RASGRP4: variants seen among roughly 807,000 people sequenced by gnomAD.
RASGRP4 encodes RAS guanyl releasing protein 4, also known as RAS guanyl-releasing protein 4.
RASGRP4 carries 52 observed loss-of-function variants against 84.4 expected under a neutral mutation model. That is an observed-to-expected ratio of 0.62 (90% CI 0.49 to 0.78). The LOEUF is 0.78. RASGRP4 is among the 30% of genes least tolerant of loss of function. The pLI is 0.00. For synonymous variants in RASGRP4, 356 were observed against 359.1 expected (o/e 0.99, Z 0.10); for missense variants, 760 against 886.9 (o/e 0.86, Z 1.82).
Position 38,419,959 on chromosome 19 carries a change from G to T in RASGRP4, c.564C>A (p.Gly188=). 4 of 1,613,974 alleles carry T rather than the reference G, an allele frequency of 2.5e-6. No individual in the cohort carries two copies. The highest frequency in any genetic ancestry group is 3.4e-6 in the Non-Finnish European group (4 of 1,179,870). The part of the protein sequence containing the change: ...PPLPMSSPGL[G]KKRKVSLLFD... ...AAAGCAAGGACACTTTGCGCTTTTT[G>T]CCCAGGCCTGGGCTGCTCATTGGGA... Residue 188 remains glycine, a synonymous_variant, in exon 6 of 17, where the codon GGC becomes GGA. Transcript: ENST00000615439.
rs1317614845 is a variant in RASGRP4, at chr19:38,412,721, T to C, written c.1631A>G (p.His544Arg). The C allele has an allele frequency of 6.2e-7, 1 of 1,612,844 alleles. No individual in the cohort carries two copies. Among genetic ancestry groups the C allele is most frequent in the Non-Finnish European group, 8.5e-7 (1 of 1,179,536 alleles). The change falls in exon 13 of 17, where the codon CAT becomes CGT. Residue 544 changes from histidine (H) to arginine (R), a missense_variant. By Grantham distance (29) the His-to-Arg change is conservative. Coordinates refer to ENST00000615439, the MANE Select transcript of RASGRP4 (RefSeq NM_170604.3). The surrounding 1 kb of genome is among the most constrained non-coding windows in gnomAD (Gnocchi z 4.6). ...GGTAGGCTTTCGGAAGGTGACCTCA[T>C]GGAAGGTGTGCAGGAAGGCCAGGCC... is the stretch of plus-strand genomic sequence containing the variant. ...KLGLAFLHTF[H>R]EVTFRKPTFC...
At position 38,420,964 on chromosome 19, in the gene RASGRP4, C is replaced by T. The variant is rs1971719764; in HGVS notation, c.321G>A (p.Gln107=). 1 of 1,613,902 alleles carries T rather than the reference C, an allele frequency of 6.2e-7. No individual in the cohort carries two copies. Among genetic ancestry groups the T allele is most frequent in the Non-Finnish European group, 8.5e-7 (1 of 1,179,858 alleles). Residue 107 remains glutamine, a synonymous_variant, in exon 4 of 17, where the codon CAG becomes CAA. Coordinates refer to ENST00000615439, the MANE Select transcript of RASGRP4 (RefSeq NM_170604.3). ...GCTCCTGGGTGTCCCCTGTGGCCTT[C>T]TGGTATTTGAGTTCTGGTCAAGGCT... is the stretch of plus-strand genomic sequence containing the variant. ...DLAARLLTSY[Q]KATGDTQELR...
In RASGRP4 at chr19:38,412,739, G is replaced by A. The variant is rs1285888892; in HGVS notation, c.1613C>T (p.Ala538Val). ...ASAICSKLGLAFLHTFHEVTF... is the reference protein window; with the variant it reads ...ASAICSKLGLVFLHTFHEVTF... Reference sequence around the variant, plus strand: ...GACCTCATGGAAGGTGTGCAGGAAGGCCAGGCCCAACTTGGAGCAGATGGC... The same window carrying A: ...GACCTCATGGAAGGTGTGCAGGAAGACCAGGCCCAACTTGGAGCAGATGGC... Residue 538 changes from alanine (A) to valine (V), a missense_variant, in exon 13 of 17, where the codon GCC becomes GTC. By Grantham distance (64) the Ala-to-Val change is moderately conservative (BLOSUM62 0). Coordinates refer to ENST00000615439, the MANE Select transcript of RASGRP4 (RefSeq NM_170604.3). This position sits in a 1 kb window ranked among gnomAD's most constrained non-coding sequence, Gnocchi z 4.6. The A allele has an allele frequency of 1.9e-6, 3 of 1,612,128 alleles. No individual in the cohort carries two copies. In the African/African-American group the frequency reaches 4.0e-5, roughly 22 times the overall value.
intron 1 of RASGRP4, among the ~76,000 whole-genome samples, 182 bp downstream of exon 1, chr19:38,425,887 C>T (rs1254058383): frequency 6.6e-6 from 1 of 152,130 alleles, no homozygotes; most frequent in Non-Finnish European, 1.5e-5. Flanking sequence ...GGTACAGATG[C>T]CACATACAAG....
intron 16 of RASGRP4, among the ~76,000 whole-genome samples, 193 bp from the exon 17 acceptor site, chr19:38,410,289 C>A (rs1427652244): frequency 6.6e-6 from 1 of 152,160 alleles, no homozygotes; most frequent in East Asian, 1.9e-4. Context: ...CTCCATTAAC[C>A]CGTACAGTAG....
chr19:38,413,224 G>A lies in RASGRP4; in HGVS notation c.1385C>T (p.Thr462Ile). Residue 462 changes from threonine (T) to isoleucine (I), a missense_variant, in exon 11 of 17, where the codon ACA (threonine) becomes ATA (isoleucine). By Grantham distance (89) the Thr-to-Ile change is moderately conservative. Coordinates refer to ENST00000615439, the MANE Select transcript of RASGRP4 (RefSeq NM_170604.3). The surrounding 1 kb of genome is among the most constrained non-coding windows in gnomAD (Gnocchi z 4.7). ...CAGCTGCTCCACATGCCGACCCAGT[G>A]TGACCCTGTCCGGCTTGGGTGTCAC... The part of the protein sequence containing the change: ...PGVTPKPDRV[T>I]LGRHVEQLVE... The A allele has an allele frequency of 6.2e-7, 1 of 1,613,742 alleles. No individual in the cohort carries two copies. The highest frequency in any genetic ancestry group is 2.2e-5 in the East Asian group (1 of 44,870).
At chr19:38,421,880 T>C in intron 2 of RASGRP4, 89 bp downstream of exon 2, 2 of 1,121,132 alleles carry the variant, frequency 1.8e-6, no homozygotes, top group Non-Finnish European at 2.6e-6. Flanking sequence ...AGCCCTGTTC[T>C]CATTTTACCT....
chr19:38,410,329 A>G (rs1478375592), intron 16 of RASGRP4, among the ~76,000 whole-genome samples: 2 of 151,870 alleles, frequency 1.3e-5, no homozygotes, highest in Non-Finnish European at 2.9e-5. Flanking sequence ...TATTCTTGCT[A>G]TCTTATTGGC....
At chr19:38,421,273 C>T (rs961637947) in intron 2 of RASGRP4, 73 bp from the exon 3 acceptor site, 16 of 1,115,602 alleles carry the variant, frequency 1.4e-5, no homozygotes, top group African/African-American at 6.1e-5. Context: ...CAGATCCTGC[C>T]GGACCACCTG....
At chr19:38,422,773 A>G (rs1971816948) in intron 1 of RASGRP4, among the ~76,000 whole-genome samples, 1 of 152,058 alleles carries the variant, frequency 6.6e-6, no homozygotes, top group African/African-American at 2.4e-5. Flanking sequence ...TAACTATTTC[A>G]TTATATATTA....
chr19:38,422,598 G>C (rs866677248), intron 1 of RASGRP4, among the ~76,000 whole-genome samples: 2 of 148,110 alleles, frequency 1.4e-5, no homozygotes, highest in African/African-American at 4.9e-5. Context: ...TCTAGGCTGC[G>C]TGCTGTTTAT....
intron 9 of RASGRP4, 38 bp downstream of exon 9, chr19:38,414,810 C>A: frequency 6.5e-7 from 1 of 1,543,220 alleles, no homozygotes; most frequent in South Asian, 1.2e-5. Context: ...TCTCAGTACC[C>A]TTGGAAGCCC....
intron 6 of RASGRP4, among the ~76,000 whole-genome samples, chr19:38,419,606 G>T (rs1971648165): frequency 6.6e-6 from 1 of 152,150 alleles, no homozygotes; most frequent in East Asian, 1.9e-4. Flanking sequence ...GATAATTTTT[G>T]TATTTTTAGT....
intron 1 of RASGRP4, among the ~76,000 whole-genome samples, chr19:38,425,194 A>AC (rs1971937335): frequency 6.7e-6 from 1 of 149,994 alleles, no homozygotes; most frequent in South Asian, 2.1e-4. Context: ...AAAAAAAAAA[A>AC]ACAAAAAAAA....
rs1443309792 is a variant in RASGRP4 at position 38,412,364 on chromosome 19, C to T, written c.1680+308G>A. On this transcript the variant is annotated intron_variant, in intron 13 of 16. Transcript: ENST00000615439. The surrounding 1 kb of genome is among the most constrained non-coding windows in gnomAD (Gnocchi z 4.6). Reference sequence around the variant, plus strand: ...CTTGAACTCTTGAGCTCAAGCAATCCGCCCACCTCAGCCTCCCCAAGTGCT... The same window carrying T: ...CTTGAACTCTTGAGCTCAAGCAATCTGCCCACCTCAGCCTCCCCAAGTGCT... The T allele has an allele frequency of 8.9e-6, 3 of 338,342 alleles. No homozygotes were observed. The highest frequency in any genetic ancestry group is 1.6e-5 in the Non-Finnish European group (3 of 182,134). The allele number at this position is 338,342 out of a possible 1,614,324, so 21.0% of individuals were successfully genotyped here. A position where few individuals can be genotyped will look rare whatever the true frequency, so the allele number is the denominator to read the frequency against.
Position 38,412,661 on chromosome 19 carries a change from G to A in RASGRP4, c.1680+11C>T. The A allele has an allele frequency of 1.9e-6, 3 of 1,611,194 alleles. No individual in the cohort carries two copies. The highest frequency in any genetic ancestry group is 2.5e-6 in the Non-Finnish European group (3 of 1,178,554). On this transcript the variant is annotated intron_variant, in intron 13 of 16. Transcript: ENST00000615439. The surrounding 1 kb of genome is among the most constrained non-coding windows in gnomAD (Gnocchi z 4.6). ...TGGAACCTAAGGGTGGTGATGGGGT[G>A]GGGTGCTCACGAAGCCACTGCAGCT...
rs1440677947 is a variant in RASGRP4 at position 38,409,254 on chromosome 19, C to G, written c.*786G>C. On this transcript the variant is annotated 3_prime_UTR_variant, in exon 17 of 17. Transcript: ENST00000615439. ...CCGTGGGCATGGGTAAGGAGACATT[C>G]AGGCATCAGACAAGCATCTGTCAGG... 1 of 166,830 alleles carries G rather than the reference C, an allele frequency of 6.0e-6. No individual in the cohort carries two copies. Among genetic ancestry groups the G allele is most frequent in the East Asian group, 1.7e-4 (1 of 5,858 alleles). 10.3% of individuals were successfully genotyped at this position (166,830 alleles called of 1,614,324 possible).
At chr19:38,425,298 T>C (rs1319919911) in intron 1 of RASGRP4, among the ~76,000 whole-genome samples, 1 of 151,810 alleles carries the variant, frequency 6.6e-6, no homozygotes, top group Non-Finnish European at 1.5e-5. Flanking sequence ...GAACCACTGG[T>C]CTAGAGTGTC....
intron 1 of RASGRP4, among the ~76,000 whole-genome samples, chr19:38,424,620 G>GC (rs1254281648): frequency 6.9e-6 from 1 of 144,942 alleles, no homozygotes; most frequent in Non-Finnish European, 1.5e-5. Context: ...TGTCAATGGG[G>GC]GGGGGGGTCT....
Sources: allele counts gnomAD v4.1 joint callset (sites outside exome capture counted in the v4.1 genomes callset), GRCh38; gene constraint gnomAD v4.1.1; non-coding constraint Gnocchi (gnomAD v3.1); transcripts MANE v1.5; gene names NCBI Gene and HGNC (gene_info 2026-07-23, HGNC 2026-07-21).